Variants in SAMD3 observed in about 807,000 individuals in gnomAD.
SAMD3 encodes sterile alpha motif domain-containing protein 3.
Under a neutral mutation model 58.5 loss-of-function variants are expected in SAMD3, and 63 were observed. That is an observed-to-expected ratio of 1.08 (90% confidence interval 0.88 to 1.33). The LOEUF is 1.33. SAMD3 is among the 40% of genes most tolerant of loss of function. The pLI is 0.00. For missense variants in SAMD3, 604 were observed against 608.4 expected, an observed-to-expected ratio of 0.99 and a Z score of 0.08; for synonymous variants, 220 against 210.3, an observed-to-expected ratio of 1.05 and a Z score of -0.40.
chr6:130,365,729 TGTTCCCAAAGATGG>T, upstream of SAMD3: 1 of 985,424 alleles, frequency 1.0e-6, no homozygotes, highest in Non-Finnish European at 1.2e-6. Flanking sequence ...GCGGGTACTT[TGTTCCCAAAGATGG>T]GTTTTGTCTG....
At chr6:130,299,813 TCA>T (rs1216389185) in intron 2 of SAMD3, among the ~76,000 whole-genome samples, 2 of 152,064 alleles carry the variant, frequency 1.3e-5, no homozygotes, top group Non-Finnish European at 2.9e-5. Flanking sequence ...CAAAAGATCC[TCA>T]GAGACTACTA....
At chr6:130,317,879 A>G (rs1461520088) in intron 1 of SAMD3, among the ~76,000 whole-genome samples, 1 of 152,340 alleles carries the variant, frequency 6.6e-6, no homozygotes, top group Non-Finnish European at 1.5e-5. Context: ...TTCTCAGAGT[A>G]AGGAGATTCT....
chr6:130,318,480 G>A lies in SAMD3; in HGVS notation c.-303-5387C>T, dbSNP rs979172775. The stretch of plus-strand genomic sequence containing the variant: ...GTCTCACTCTGTCGCCCAGGCTGGT[G>A]TGCAGTGGTGAGATCTCGGCTCACT... On this transcript the variant is annotated intron_variant, in intron 1 of 13. Transcript: ENST00000368134. 2.6e-5 allele frequency among the ~76,000 whole-genome samples: 4 copies of A among 152,104 alleles called. No individual in the cohort carries two copies. The East Asian group carries it at 5.8e-4, about 22-fold the overall frequency.
intron 2 of SAMD3, chr6:130,286,062 T>C (rs1441340132): frequency 6.6e-6 from 1 of 152,258 alleles, no homozygotes; most frequent in Non-Finnish European, 1.5e-5. Context: ...CAGGAAGGTA[T>C]TGCCCATGTT....
intron 4 of SAMD3, among the ~76,000 whole-genome samples, chr6:130,210,588 A>G (rs1283737224): frequency 6.6e-6 from 1 of 150,846 alleles, no homozygotes; most frequent in Non-Finnish European, 1.5e-5. Context: ...GACAAGAGAG[A>G]AACTCCATCA....
Position 130,243,327 on chromosome 6 carries a change from G to T in SAMD3, c.-187-20514C>A, listed in dbSNP as rs561824300. On this transcript the variant is annotated intron_variant, in intron 2 of 13. Coordinates refer to the SAMD3 transcript ENST00000368134. ...CTCTGATCCCACCAGACTTTGCTGAGTCCTTCAAGTAAAGCCTTCTCCTAA... is the reference window on the plus strand; with the variant it reads ...CTCTGATCCCACCAGACTTTGCTGATTCCTTCAAGTAAAGCCTTCTCCTAA... Among the ~76,000 whole-genome samples the T allele has an allele frequency of 3.6e-4, 55 of 152,208 alleles. 1 individual carries two copies. Among genetic ancestry groups the T allele is most frequent in the African/African-American group, 1.3e-3 (52 of 41,542 alleles).
At chr6:130,346,521 G>T (rs1302859880) in intron 1 of SAMD3, among the ~76,000 whole-genome samples, 6 of 152,204 alleles carry the variant, frequency 3.9e-5, no homozygotes, top group Non-Finnish European at 4.4e-5. Flanking sequence ...GTGAGGATGG[G>T]GGAGGGGCTC....
At chr6:130,235,195 A>C (rs546184455) in intron 2 of SAMD3, among the ~76,000 whole-genome samples, 1 of 152,354 alleles carries the variant, frequency 6.6e-6, no homozygotes, top group South Asian at 2.1e-4. Flanking sequence ...AGTAATATGA[A>C]AACAGCTAAG....
chr6:130,146,139 T>G lies in SAMD3; in HGVS notation c.1066A>C (p.Lys356Gln). Residue 356 changes from lysine (K) to glutamine (Q), a missense_variant, in exon 10 of 12, where the codon AAG (lysine) becomes CAG (glutamine). Physicochemically the swap from Lys to Gln is moderately conservative, Grantham distance 53 (BLOSUM62 1). Transcript: ENST00000439090. ...FQLLTRTDIY[K>Q]KTRHILESYS... Reference sequence around the variant, plus strand: ...GATTCCAAAATGTGCCTTGTTTTCTTATAAATATCTGTTCTTGTAAGAAGT... The same window carrying G: ...GATTCCAAAATGTGCCTTGTTTTCTGATAAATATCTGTTCTTGTAAGAAGT... 1 of 1,598,080 alleles carries G rather than the reference T, an allele frequency of 6.3e-7. No individual in the cohort carries two copies. The highest frequency in any genetic ancestry group is 8.5e-7 in the Non-Finnish European group (1 of 1,173,196).
intron 1 of SAMD3, among the ~76,000 whole-genome samples, chr6:130,334,518 A>C (rs1406556450): frequency 6.6e-6 from 1 of 152,196 alleles, no homozygotes; most frequent in Non-Finnish European, 1.5e-5. Flanking sequence ...CTTTAAAATG[A>C]GCAGAACTAA....
intron 1 of SAMD3, among the ~76,000 whole-genome samples, chr6:130,339,412 A>C (rs1178869499): frequency 2.0e-5 from 3 of 152,096 alleles, no homozygotes; most frequent in Admixed American, 1.3e-4. Flanking sequence ...CTGGAAAGAG[A>C]TGATTGGATC....
chr6:130,354,105 A>T (rs1198500897), intron 1 of SAMD3, among the ~76,000 whole-genome samples: 2 of 152,216 alleles, frequency 1.3e-5, no homozygotes, highest in Non-Finnish European at 2.9e-5. Context: ...GAGAAATGCA[A>T]ATCAAAACCA....
intron 5 of SAMD3, among the ~76,000 whole-genome samples, chr6:130,189,555 C>T (rs952316130): frequency 6.6e-6 from 1 of 152,154 alleles, no homozygotes; most frequent in African/African-American, 2.4e-5. Flanking sequence ...AGCTTAACAT[C>T]GTGATGTCTT....
At chr6:130,238,022 C>T (rs1235927769) in intron 2 of SAMD3, among the ~76,000 whole-genome samples, 3 of 151,872 alleles carry the variant, frequency 2.0e-5, no homozygotes, top group African/African-American at 7.3e-5. Flanking sequence ...AGAATTAATT[C>T]TCAAAATAGG....
chr6:130,346,509 C>A (rs1354600493), intron 1 of SAMD3, among the ~76,000 whole-genome samples: 2 of 152,164 alleles, frequency 1.3e-5, no homozygotes, highest in Non-Finnish European at 2.9e-5. Flanking sequence ...TGCAAGGTGG[C>A]AGTGAGGATG....
chr6:130,208,093 T>C (rs943275010), intron 5 of SAMD3, among the ~76,000 whole-genome samples: 2 of 152,218 alleles, frequency 1.3e-5, no homozygotes, highest in East Asian at 3.9e-4. Context: ...ATCTCGGTTG[T>C]ACTCATTTAC....
intron 9 of SAMD3, among the ~76,000 whole-genome samples, chr6:130,149,400 A>C (rs868488956): frequency 3.9e-5 from 6 of 152,368 alleles, no homozygotes; most frequent in Middle Eastern, 3.4e-3. Flanking sequence ...AATATAAAGA[A>C]AGACGCATGC....
intron 2 of SAMD3, among the ~76,000 whole-genome samples, chr6:130,308,414 TATTCTATTCTATTCTATTCTATTC>T (rs1776017436): frequency 7.4e-6 from 1 of 134,548 alleles, no homozygotes; most frequent in Non-Finnish European, 1.5e-5. Flanking sequence ...TATTCTATTC[TATTCTATTCTATTCTATTCTATTC>T]TTTTGTGTGT....
chr6:130,303,479 C>A (rs182109294), intron 2 of SAMD3, among the ~76,000 whole-genome samples: 14 of 152,132 alleles, frequency 9.2e-5, no homozygotes, highest in South Asian at 8.3e-4. Flanking sequence ...TCAATCTGAA[C>A]CTTTTCCTCT....
Sources: allele counts gnomAD v4.1 joint callset (sites outside exome capture counted in the v4.1 genomes callset), GRCh38; gene constraint gnomAD v4.1.1; transcripts MANE v1.5; gene names NCBI Gene and HGNC (gene_info 2026-07-23, HGNC 2026-07-21).